Variants in POLR3C observed in about 807,000 individuals in gnomAD.
POLR3C encodes the protein RNA polymerase III subunit C.
POLR3C carries 44 observed loss-of-function variants against 65.9 expected under a neutral mutation model. The ratio of observed to expected loss-of-function variants is 0.67; its 90% confidence interval spans 0.52 to 0.86. POLR3C has a LOEUF of 0.86. POLR3C is among the 40% of genes least tolerant of loss of function. The probability of loss-of-function intolerance (pLI) is 0.00; values close to 1 mark genes in which losing one functional copy is unlikely to be tolerated. For synonymous variants in POLR3C, 263 were observed against 231.6 expected (o/e 1.14, Z -1.23); for missense variants, 576 against 653.2 (o/e 0.88, Z 1.29).
intron 5 of POLR3C, 127 bp from the exon 6 acceptor site, chr1:145,833,133 G>A (rs1162007769): frequency 5.0e-6 from 3 of 605,332 alleles, no homozygotes; most frequent in Non-Finnish European, 8.8e-6. Flanking sequence ...CTACATGACT[G>A]AATGATTTTT....
intron 7 of POLR3C, among the ~76,000 whole-genome samples, chr1:145,835,443 T>C (rs1553728321): frequency 6.9e-6 from 1 of 144,372 alleles, no homozygotes; most frequent in African/African-American, 2.6e-5. Flanking sequence ...AGACTCTGTC[T>C]CAAAAAAAAA....
Position 145,825,928 on chromosome 1 carries a change from G to A in POLR3C, c.147+5G>A. On this transcript the variant is annotated splice_donor_5th_base_variant and intron_variant, in intron 2 of 14. Coordinates refer to ENST00000334163, the MANE Select transcript of POLR3C (RefSeq NM_006468.8). ...ACAGGAACATCACTGGATCAGGTAT[G>A]TCTAAATGACATTCATTTTCTCTCA... 1 of 1,598,366 alleles carries A rather than the reference G, an allele frequency of 6.3e-7. No homozygotes were observed. Among genetic ancestry groups the A allele is most frequent in the Non-Finnish European group, 8.6e-7 (1 of 1,167,980 alleles).
rs1553727712 is a variant in POLR3C at position 145,833,345 on chromosome 1, T to C, written c.764T>C (p.Val255Ala). ...HFRDQAIVSA[V>A]ANRMDQTSSE... ...CGTGACCAAGCCATTGTGAGCGCAGTTGCTAACAGGATGGACCAGGTAATA... is the reference window on the plus strand; with the variant it reads ...CGTGACCAAGCCATTGTGAGCGCAGCTGCTAACAGGATGGACCAGGTAATA... Residue 255 changes from valine to alanine, a missense_variant, in exon 6 of 15, where the codon GTT becomes GCT. Physicochemically the swap from Val to Ala is moderately conservative, Grantham distance 64 (BLOSUM62 0). Coordinates refer to ENST00000334163, the MANE Select transcript of POLR3C (RefSeq NM_006468.8). The C allele has an allele frequency of 6.2e-7, 1 of 1,611,670 alleles. No individual in the cohort carries two copies. The highest frequency in any genetic ancestry group is 8.5e-7 in the Non-Finnish European group (1 of 1,177,832).
At chr1:145,828,548 A>G (rs183887061) in intron 4 of POLR3C, among the ~76,000 whole-genome samples, 64 of 152,328 alleles carry the variant, frequency 4.2e-4, no homozygotes, top group African/African-American at 1.4e-3. Flanking sequence ...GAGAAAGACT[A>G]TAAGACTCTT....
intron 11 of POLR3C, among the ~76,000 whole-genome samples, chr1:145,839,288 G>A (rs1408165978): frequency 1.2e-4 from 18 of 151,932 alleles, no homozygotes; most frequent in African/African-American, 3.9e-4. Flanking sequence ...ATAATAATAC[G>A]ACTTTTTGTA....
chr1:145,828,876 C>A, intron 5 of POLR3C, 39 bp downstream of exon 5: 3 of 1,123,386 alleles, frequency 2.7e-6, no homozygotes, highest in Non-Finnish European at 4.1e-6. Context: ...CACCCTGAAG[C>A]AGGCCAGAAA....
chr1:145,844,203 T>TA lies in POLR3C; in HGVS notation c.*1784dup, dbSNP rs1652494073. Among the ~76,000 whole-genome samples, 4 of 152,210 alleles carry TA rather than the reference T, an allele frequency of 2.6e-5. No homozygotes were observed. In the South Asian group the frequency reaches 8.3e-4, roughly 31 times the overall value. On this transcript the variant is annotated 3_prime_UTR_variant, in exon 15 of 15. Coordinates refer to ENST00000334163, the MANE Select transcript of POLR3C (RefSeq NM_006468.8). The stretch of plus-strand genomic sequence containing the variant: ...GAAAGAAATCAATGTATCAAAAAGA[T>TA]ACCTGCACTCCCATGTTTATTGCAG...
chr1:145,824,403 C>G (rs1650517992), intron 1 of POLR3C, 34 bp downstream of exon 1: 3 of 489,820 alleles, frequency 6.1e-6, no homozygotes, highest in African/African-American at 2.0e-5. Context: ...CGTGGCGGCA[C>G]TGACTGGACC....
Position 145,836,829 on chromosome 1 carries a change from A to C in POLR3C, c.972A>C (p.Gly324=). 3.1e-6 allele frequency: 5 copies of C among 1,594,648 alleles called. No homozygotes were observed. Among genetic ancestry groups the C allele is most frequent in the Non-Finnish European group, 4.3e-6 (5 of 1,163,762 alleles). Residue 324 remains glycine (G), a synonymous_variant, in exon 9 of 15, where the codon GGA becomes GGC. Transcript: ENST00000334163. ...TTTCTTAATAGCTAGAGTTTGTTGG[A>C]AAGTCTGGCGACAGTGGTGGAGGAA... is the stretch of plus-strand genomic sequence containing the variant. The part of the protein sequence containing the change: ...LLADDPLEFV[G]KSGDSGGGMY...
At chr1:145,829,374 C>T (rs1322222934) in intron 5 of POLR3C, among the ~76,000 whole-genome samples, 2 of 152,196 alleles carry the variant, frequency 1.3e-5, no homozygotes, top group Non-Finnish European at 2.9e-5. Context: ...ACCCTCTAAT[C>T]TCACAGTAAA....
Position 145,841,079 on chromosome 1 carries a change from T to C in POLR3C, c.1523+8T>C. 1 of 1,611,930 alleles carries C rather than the reference T, an allele frequency of 6.2e-7. No individual in the cohort carries two copies. The highest frequency in any genetic ancestry group is 8.5e-7 in the Non-Finnish European group (1 of 1,178,158). ...GAAACGTAATGTCAACAAGTAAGCATCATAAACTTCAGACCTGCATTTCAG... is the reference window on the plus strand; with the variant it reads ...GAAACGTAATGTCAACAAGTAAGCACCATAAACTTCAGACCTGCATTTCAG... On this transcript the variant is annotated splice_region_variant and intron_variant, in intron 14 of 14. Coordinates refer to ENST00000334163, the MANE Select transcript of POLR3C (RefSeq NM_006468.8).
In POLR3C at chr1:145,836,417, G is replaced by T. The variant is rs1651847245; in HGVS notation, c.877-77G>T. 5 of 851,158 alleles carry T rather than the reference G, an allele frequency of 5.9e-6. No individual in the cohort carries two copies. The South Asian group carries it at 6.7e-5, about 11-fold the overall frequency. The allele number at this position is 851,158 out of a possible 1,614,324, so 52.7% of individuals were successfully genotyped here. Reference sequence around the variant, plus strand: ...TTACAGGCCTTAGCCACTGTGCCCGGCCTAAAACATCTTTATTTCAGTAAG... The same window carrying T: ...TTACAGGCCTTAGCCACTGTGCCCGTCCTAAAACATCTTTATTTCAGTAAG... On this transcript the variant is annotated intron_variant, in intron 7 of 14. Transcript: ENST00000334163.
chr1:145,824,413 C>A, intron 1 of POLR3C, 44 bp downstream of exon 1: 1 of 542,284 alleles, frequency 1.8e-6, no homozygotes, highest in Non-Finnish European at 3.3e-6. Flanking sequence ...CTGACTGGAC[C>A]AAGAGACCAC....
Position 145,825,908 on chromosome 1 carries a change from A to G in POLR3C, c.132A>G (p.Gly44=). 1 of 1,612,726 alleles carries G rather than the reference A, an allele frequency of 6.2e-7. No individual in the cohort carries two copies. The highest frequency in any genetic ancestry group is 1.3e-5 in the African/African-American group (1 of 75,028). The part of the protein sequence containing the change: ...QPLRVIAHDT[G]TSLDQVKKAL... ...TAAGAGTAATTGCCCATGACACAGG[A>G]ACATCACTGGATCAGGTATGTCTAA... The change falls in exon 2 of 15, where the codon GGA becomes GGG. Residue 44 remains glycine (G), a synonymous_variant. Coordinates refer to ENST00000334163, the MANE Select transcript of POLR3C (RefSeq NM_006468.8).
chr1:145,833,171 A>G (rs1651480856), intron 5 of POLR3C, 89 bp from the exon 6 acceptor site: 3 of 745,496 alleles, frequency 4.0e-6, no homozygotes, highest in East Asian at 2.5e-5. Flanking sequence ...GTTACTGTGT[A>G]GGAAAAGAAA....
In POLR3C at chr1:145,826,525, G is replaced by A; in HGVS notation, c.219G>A (p.Val73=). 2.5e-6 allele frequency: 4 copies of A among 1,613,850 alleles called. No individual in the cohort carries two copies. Among genetic ancestry groups the A allele is most frequent in the Non-Finnish European group, 3.4e-6 (4 of 1,179,916 alleles). Residue 73 remains valine, a synonymous_variant, in exon 3 of 15, where the codon GTG becomes GTA. Coordinates refer to ENST00000334163, the MANE Select transcript of POLR3C (RefSeq NM_006468.8). Reference sequence around the variant, plus strand: ...ATCAAGTGCACAAACGTGGTGTGGTGGAGTATGAAGCCCAGTGCAGCCGGG... The same window carrying A: ...ATCAAGTGCACAAACGTGGTGTGGTAGAGTATGAAGCCCAGTGCAGCCGGG... ...VSYQVHKRGV[V]EYEAQCSRVL...
rs781834162 is a variant in POLR3C at position 145,825,740 on chromosome 1, T to C, written c.-20-17T>C. On this transcript the variant is annotated splice_polypyrimidine_tract_variant and intron_variant, in intron 1 of 14. Transcript: ENST00000334163. ...TGAAAGACTTTCTATTGTACCATTTTGGTGTTTTTTCCCTAGCTCTCAGAC... is the reference window on the plus strand; with the variant it reads ...TGAAAGACTTTCTATTGTACCATTTCGGTGTTTTTTCCCTAGCTCTCAGAC... The C allele has an allele frequency of 5.8e-6, 9 of 1,563,428 alleles. No individual in the cohort carries two copies. The highest frequency in any genetic ancestry group is 7.0e-6 in the Non-Finnish European group (8 of 1,137,984).
rs1006312427 is a variant in POLR3C, at chr1:145,833,484, A to C, written c.784-6A>C. Reference sequence around the variant, plus strand: ...ATTTCTGAATTCTAGTTTACTTTTCAAACAGACAAGCAGCGAGATTGTGCG... The same window carrying C: ...ATTTCTGAATTCTAGTTTACTTTTCCAACAGACAAGCAGCGAGATTGTGCG... On this transcript the variant is annotated splice_polypyrimidine_tract_variant and splice_region_variant and intron_variant, in intron 6 of 14. Transcript: ENST00000334163. 1 of 1,611,430 alleles carries C rather than the reference A, an allele frequency of 6.2e-7. No individual in the cohort carries two copies. Among genetic ancestry groups the C allele is most frequent in the Admixed American group, 1.7e-5 (1 of 60,016 alleles).
At chr1:145,827,891 G>A (rs782026063) in intron 4 of POLR3C, among the ~76,000 whole-genome samples, 5 of 151,790 alleles carry the variant, frequency 3.3e-5, no homozygotes, top group Non-Finnish European at 7.4e-5. Context: ...TTGCACCACT[G>A]TACTCCAGCC....
Sources: allele counts gnomAD v4.1 joint callset (sites outside exome capture counted in the v4.1 genomes callset), GRCh38; gene constraint gnomAD v4.1.1; transcripts MANE v1.5; gene names NCBI Gene and HGNC (gene_info 2026-07-23, HGNC 2026-07-21).